The following NHSL1 variants were observed in gnomAD, a reference collection of about 807,000 sequenced individuals.
NHSL1 encodes the protein NHS-like protein 1.
In NHSL1, 48 loss-of-function variants were observed where a neutral mutation model predicts 95.0. The ratio of observed to expected loss-of-function variants is 0.51; its 90% CI spans 0.40 to 0.64. The LOEUF (loss-of-function observed/expected upper bound fraction) is 0.64, where lower values mean the gene tolerates loss of function less well. Among genes scored for constraint, NHSL1 ranks in the 30% least tolerant of loss-of-function variants. The probability of loss-of-function intolerance (pLI) is 0.00; values close to 1 mark genes in which losing one functional copy is unlikely to be tolerated. For missense variants in NHSL1, 1,971 were observed against 2,077.7 expected (o/e 0.95, Z 1.00); for synonymous variants, 783 against 833.9 (o/e 0.94, Z 1.05).
chr6:138,451,972 A>G (rs1262857091), intron 3 of NHSL1, among the ~76,000 whole-genome samples: 1 of 152,224 alleles, frequency 6.6e-6, no homozygotes, highest in African/African-American at 2.4e-5. Context: ...CATACAGAGA[A>G]CAGAATGACC....
At chr6:138,472,095 T>C (rs1778788917) in intron 3 of NHSL1, among the ~76,000 whole-genome samples, 1 of 151,534 alleles carries the variant, frequency 6.6e-6, no homozygotes, top group Admixed American at 6.6e-5. Flanking sequence ...GGTACGAGAA[T>C]TGCTTGAACC....
chr6:138,437,296 G>GTATA lies in NHSL1; in HGVS notation c.665-3620_665-3617dup, dbSNP rs144143973. On this transcript the variant is annotated intron_variant, in intron 5 of 7. Coordinates refer to ENST00000343505, the MANE Select transcript of NHSL1 (RefSeq NM_001144060.2). ...TCTCAAAAAAAAAAAATACACAAAT[G>GTATA]TATATATATATATATATATATATAC... 5.9e-4 allele frequency among the ~76,000 whole-genome samples: 57 copies of GTATA among 96,112 alleles called. 1 individual carries two copies. The highest frequency in any genetic ancestry group is 1.3e-3 in the South Asian group (4 of 3,116). The allele number at this position is 96,112 out of a possible 152,430, so 63.1% of individuals were successfully genotyped here. A position where few individuals can be genotyped will look rare whatever the true frequency, so the allele number is the denominator to read the frequency against.
chr6:138,538,847 C>T (rs1215644116), intron 1 of NHSL1, among the ~76,000 whole-genome samples: 1 of 152,186 alleles, frequency 6.6e-6, no homozygotes, highest in Non-Finnish European at 1.5e-5. Context: ...CTTGTGGCTC[C>T]TAAAGCTCAC....
intron 1 of NHSL1, among the ~76,000 whole-genome samples, chr6:138,526,944 G>A (rs897085390): frequency 2.0e-5 from 3 of 152,138 alleles, no homozygotes; most frequent in Admixed American, 6.5e-5. Context: ...TTTGTCATTC[G>A]TGGTAGTTTT....
intron 1 of NHSL1, among the ~76,000 whole-genome samples, chr6:138,652,950 T>A (rs532837343): frequency 2.6e-5 from 4 of 152,352 alleles, no homozygotes; most frequent in African/African-American, 9.6e-5. Context: ...AGCTAAATAG[T>A]CTAAATTAGT....
At chr6:138,464,667 T>C (rs1778228940) in intron 3 of NHSL1, among the ~76,000 whole-genome samples, 1 of 152,092 alleles carries the variant, frequency 6.6e-6, no homozygotes, top group African/African-American at 2.4e-5. Context: ...TTTGGAATAA[T>C]TACGTTCAAA....
chr6:138,539,365 T>C (rs1782488712), intron 1 of NHSL1, among the ~76,000 whole-genome samples: 1 of 152,226 alleles, frequency 6.6e-6, no homozygotes, highest in Non-Finnish European at 1.5e-5. Flanking sequence ...GAAAAATACA[T>C]ACCCCTGCAT....
At chr6:138,541,813 T>C (rs1169260304) in intron 1 of NHSL1, among the ~76,000 whole-genome samples, 2 of 152,258 alleles carry the variant, frequency 1.3e-5, no homozygotes, top group Admixed American at 1.3e-4. Flanking sequence ...TCAACTCTTC[T>C]ACCTACACAT....
intron 1 of NHSL1, among the ~76,000 whole-genome samples, chr6:138,538,338 T>G (rs184693214): frequency 1.1e-3 from 175 of 152,308 alleles, no homozygotes; most frequent in African/African-American, 4.0e-3. Context: ...CCATCCCACA[T>G]AGCTAACACC....
intron 3 of NHSL1, among the ~76,000 whole-genome samples, chr6:138,448,236 C>T (rs1776989661): frequency 6.6e-6 from 1 of 152,190 alleles, no homozygotes; most frequent in Admixed American, 6.5e-5. Flanking sequence ...TCCACAGCAG[C>T]TGGTTCTGTG....
intron 1 of NHSL1, among the ~76,000 whole-genome samples, chr6:138,631,699 C>A (rs1005847515): frequency 2.6e-5 from 4 of 151,952 alleles, no homozygotes; most frequent in South Asian, 2.1e-4. Flanking sequence ...GGGCCCTAAA[C>A]AACCAGCAGC....
chr6:138,586,629 G>T (rs896616549), intron 1 of NHSL1, among the ~76,000 whole-genome samples: 2 of 152,158 alleles, frequency 1.3e-5, no homozygotes, highest in African/African-American at 4.8e-5. Flanking sequence ...CTTAACTAGG[G>T]TAAGCTTCAT....
At position 138,665,149 on chromosome 6, in the gene NHSL1, G is replaced by C. The variant is rs1041833229; in HGVS notation, c.96+27327C>G. On this transcript the variant is annotated intron_variant, in intron 1 of 3. Coordinates refer to the NHSL1 transcript ENST00000491526. ...TCTTCTCTTTTTTTACCCAAATTCA[G>C]CGTTAATTTCTCAGTTTTTATTTCT... 7.9e-5 allele frequency among the ~76,000 whole-genome samples: 12 copies of C among 152,122 alleles called. No individual in the cohort carries two copies. In the East Asian group the frequency reaches 2.3e-3, roughly 29 times the overall value.
intron 1 of NHSL1, among the ~76,000 whole-genome samples, chr6:138,641,429 G>C (rs144678061): frequency 1.5e-3 from 225 of 152,264 alleles, no homozygotes; most frequent in African/African-American, 5.2e-3. Flanking sequence ...AGGAATGCAT[G>C]TGAAACGTAC....
intron 1 of NHSL1, among the ~76,000 whole-genome samples, chr6:138,587,476 G>A (rs78928530): frequency 0.041 from 6,009 of 148,138 alleles, 163 homozygotes; most frequent in South Asian, 0.073. Context: ...CCAGCTACTC[G>A]GGAGGGCATC....
chr6:138,606,032 G>T (rs1784428917), intron 1 of NHSL1, among the ~76,000 whole-genome samples: 1 of 152,170 alleles, frequency 6.6e-6, no homozygotes, highest in South Asian at 2.1e-4. Flanking sequence ...TATGGATTTT[G>T]TGAGCTCAGA....
Position 138,424,009 on chromosome 6 carries a change from C to T in NHSL1, c.*72G>A, listed in dbSNP as rs2128186387. 4 of 1,280,046 alleles carry T rather than the reference C, an allele frequency of 3.1e-6. No individual in the cohort carries two copies. The South Asian group carries it at 1.3e-4, about 41-fold the overall frequency. The allele number at this position is 1,280,046 out of a possible 1,614,324, so 79.3% of individuals were successfully genotyped here. On this transcript the variant is annotated 3_prime_UTR_variant, in exon 8 of 8. Transcript: ENST00000343505. The surrounding 1 kb of genome is among the most constrained non-coding windows in gnomAD (Gnocchi z 5.9). Reference sequence around the variant, plus strand: ...TCCCCGGGTGAGCCAGGGAAGGGCGCCTAGCAGGCTTCCTAGAGTGCTGCA... The same window carrying T: ...TCCCCGGGTGAGCCAGGGAAGGGCGTCTAGCAGGCTTCCTAGAGTGCTGCA...
chr6:138,576,165 T>C (rs1193397677), upstream of NHSL1, among the ~76,000 whole-genome samples: 1 of 152,022 alleles, frequency 6.6e-6, no homozygotes, highest in African/African-American at 2.4e-5. Flanking sequence ...CTAATTTTTG[T>C]ATTTTTAGCA....
rs934680930 is a variant in NHSL1 at position 138,432,159 on chromosome 6, T to A, written c.2186A>T (p.Glu729Val). The change falls in exon 6 of 8, where the codon GAA (glutamate) becomes GTA (valine). Residue 729 changes from glutamate (E) to valine (V), a missense_variant. Coordinates refer to ENST00000343505, the MANE Select transcript of NHSL1 (RefSeq NM_001144060.2). The surrounding 1 kb of genome is among the most constrained non-coding windows in gnomAD (Gnocchi z 4.4). The part of the protein sequence containing the change: ...SPSQSPCSDL[E>V]EPWLPRSRSQ... Reference sequence around the variant, plus strand: ...CCGGGAGCGGGGCAGCCAGGGCTCTTCCAAGTCACTGCAGGGGCTCTGGGA... The same window carrying A: ...CCGGGAGCGGGGCAGCCAGGGCTCTACCAAGTCACTGCAGGGGCTCTGGGA... 11 of 1,548,252 alleles carry A rather than the reference T, an allele frequency of 7.1e-6. No homozygotes were observed. In the African/African-American group the frequency reaches 1.5e-4, roughly 21 times the overall value.
Sources: gnomAD v4.1 joint callset for allele counts (sites outside exome capture counted in the v4.1 genomes callset) on GRCh38, gnomAD v4.1.1 for gene constraint, Gnocchi (gnomAD v3.1) non-coding constraint, MANE v1.5 for transcripts, NCBI Gene and HGNC (gene_info 2026-07-23, HGNC 2026-07-21) for gene names.